SLC2A14: variants seen among roughly 807,000 people sequenced by gnomAD.
SLC2A14 encodes the protein solute carrier family 2, facilitated glucose transporter member 14.
A neutral mutation model predicts 43.0 loss-of-function variants in SLC2A14; 13 were observed. The ratio of observed to expected loss-of-function variants is 0.30; its 90% CI spans 0.20 to 0.48. SLC2A14 has a LOEUF of 0.48. SLC2A14 is among the 20% of genes least tolerant of loss of function. SLC2A14 has a pLI of 0.99. For synonymous variants in SLC2A14, 190 were observed against 233.8 expected, an observed-to-expected ratio of 0.81 and a Z score of 1.71; for missense variants, 428 against 620.4, an observed-to-expected ratio of 0.69 and a Z score of 3.29.
chr12:7,814,539 T>A lies in SLC2A14; in HGVS notation c.1276-5A>T, dbSNP rs11055945. 444,520 of 1,608,362 alleles carry A rather than the reference T, an allele frequency of 0.28. 63,729 individuals are homozygous for A. Among genetic ancestry groups the A allele is most frequent in the East Asian group, 0.47 (21,033 of 44,702 alleles). ...AACGTAGGCTCCTAAATAGTACTAG[T>A]GAAAGGACAGAAAAAAGGAAGGTTG... On this transcript the variant is annotated splice_polypyrimidine_tract_variant and splice_region_variant and intron_variant, in intron 10 of 10. Transcript: ENST00000431042.
intron 2 of SLC2A14, among the ~76,000 whole-genome samples, chr12:7,847,840 C>T (rs1412386585): frequency 6.6e-6 from 1 of 152,082 alleles, no homozygotes; most frequent in African/African-American, 2.4e-5. Flanking sequence ...AAACAACAGG[C>T]GCAGACATAG....
upstream of SLC2A14, chr12:7,873,374 G>T: frequency 1.0e-6 from 1 of 984,884 alleles, no homozygotes; most frequent in Non-Finnish European, 1.2e-6. Context: ...GCGCACGGTG[G>T]CTCACACCTG....
intron 1 of SLC2A14, among the ~76,000 whole-genome samples, chr12:7,885,565 T>TG (rs1340828816): frequency 6.6e-6 from 1 of 151,966 alleles, no homozygotes; most frequent in African/African-American, 2.4e-5. Context: ...TTTTTTTTTT[T>TG]TCATGCTGCC....
intron 1 of SLC2A14, 88 bp from the exon 2 acceptor site, chr12:7,870,025 T>C: frequency 1.6e-6 from 1 of 641,076 alleles, no homozygotes; most frequent in Non-Finnish European, 2.6e-6. Context: ...CCCTCGCCAA[T>C]GGACACTCCA....
intron 2 of SLC2A14, among the ~76,000 whole-genome samples, chr12:7,857,179 G>A (rs746081592): frequency 1.1e-4 from 16 of 152,144 alleles, no homozygotes; most frequent in Non-Finnish European, 2.2e-4. Flanking sequence ...AAACCCAGGA[G>A]GTGGAGGTTG....
intron 2 of SLC2A14, among the ~76,000 whole-genome samples, chr12:7,862,050 G>C (rs750214823): frequency 1.7e-4 from 25 of 151,268 alleles, no homozygotes; most frequent in African/African-American, 5.8e-4. Context: ...TGGATCACGA[G>C]GTGAGGAGTT....
At chr12:7,836,605 G>A (rs1431103812) in intron 2 of SLC2A14, among the ~76,000 whole-genome samples, 6 of 151,996 alleles carry the variant, frequency 3.9e-5, no homozygotes, top group South Asian at 4.1e-4. Flanking sequence ...TGAGGAGGGC[G>A]GATGGATCAC....
chr12:7,821,829 T>C lies in SLC2A14; in HGVS notation c.865-504A>G, dbSNP rs759036514. ...AGCTAATTTTTGTATTTCTTTCTTT[T>C]TTTTTTTTTTTTTGAGATGGAGTCT... On this transcript the variant is annotated intron_variant, in intron 7 of 10. Transcript: ENST00000431042. 1.7e-3 allele frequency among the ~76,000 whole-genome samples: 248 copies of C among 145,628 alleles called. 2 individuals are homozygous for C. Among genetic ancestry groups the C allele is most frequent in the Non-Finnish European group, 2.8e-3 (188 of 66,098 alleles).
intron 2 of SLC2A14, among the ~76,000 whole-genome samples, chr12:7,848,151 G>T (rs933435210): frequency 5.3e-5 from 8 of 152,082 alleles, no homozygotes; most frequent in Non-Finnish European, 2.9e-5. Context: ...CTGCCTCCCT[G>T]AGTCATTTCT....
Position 7,863,251 on chromosome 12 carries a change from A to G in SLC2A14, c.18+6612T>C. 3 of 366,276 alleles carry G rather than the reference A, an allele frequency of 8.2e-6. 1 individual carries two copies. The highest frequency in any genetic ancestry group is 5.8e-5 in the South Asian group (3 of 52,024). The allele number at this position is 366,276 out of a possible 1,614,324, so 22.7% of individuals were successfully genotyped here. On this transcript the variant is annotated intron_variant, in intron 2 of 10. Transcript: ENST00000431042. ...TGCGACACTCACGGCGGAAGTCTGC[A>G]GCTTCACTCCTGAGCCAGCAAGACC...
intron 2 of SLC2A14, among the ~76,000 whole-genome samples, chr12:7,855,525 G>A (rs1373236363): frequency 6.6e-6 from 1 of 152,068 alleles, no homozygotes; most frequent in African/African-American, 2.4e-5. Flanking sequence ...AATCTAAACA[G>A]GCCATTACTA....
chr12:7,841,606 T>C (rs1865951312), intron 2 of SLC2A14, among the ~76,000 whole-genome samples: 1 of 152,242 alleles, frequency 6.6e-6, no homozygotes, highest in Non-Finnish European at 1.5e-5. Flanking sequence ...GATATATTAT[T>C]ATTACATAAA....
intron 1 of SLC2A14, chr12:7,871,765 A>G (rs1565580595): frequency 3.3e-6 from 1 of 300,220 alleles, no homozygotes; most frequent in Non-Finnish European, 4.9e-6. Context: ...ATCCAATACC[A>G]TTTCACATGC....
upstream of SLC2A14, chr12:7,873,048 G>A: frequency 1.0e-6 from 1 of 985,550 alleles, no homozygotes; most frequent in Non-Finnish European, 1.2e-6. Flanking sequence ...CCGGCTCGCG[G>A]TCGGGGTTGT....
chr12:7,869,724 G>GTA (rs1209179037), intron 2 of SLC2A14, 139 bp downstream of exon 2: 23 of 545,434 alleles, frequency 4.2e-5, no homozygotes, highest in African/African-American at 4.2e-4. Context: ...TCTGTTGGCT[G>GTA]TAACAGTCTC....
intron 2 of SLC2A14, among the ~76,000 whole-genome samples, chr12:7,835,340 T>C (rs763250131): frequency 7.9e-5 from 12 of 152,104 alleles, no homozygotes; most frequent in South Asian, 6.2e-4. Context: ...TCAGCCGAGA[T>C]TGCGTCACTG....
intron 2 of SLC2A14, among the ~76,000 whole-genome samples, chr12:7,864,138 T>C (rs905270643): frequency 6.6e-6 from 1 of 151,986 alleles, no homozygotes; most frequent in African/African-American, 2.4e-5. Context: ...TGATTACAGC[T>C]TACTGCTGAA....
intron 2 of SLC2A14, among the ~76,000 whole-genome samples, chr12:7,836,223 C>CTT (rs71038784): frequency 0.053 from 7,879 of 148,258 alleles, 352 homozygotes; most frequent in East Asian, 0.14. Flanking sequence ...ACAGATATAA[C>CTT]TTTTTTTTTT....
chr12:7,829,957 G>A lies in SLC2A14; in HGVS notation c.322C>T (p.Leu108Phe), dbSNP rs751861316. Residue 108 changes from leucine to phenylalanine, a missense_variant, in exon 5 of 11, where the codon CTT becomes TTT. Leu to Phe is a conservative substitution (Grantham distance 22, BLOSUM62 0). Transcript: ENST00000431042. ...VNLLAATGGCLMGLCKIAESV... is the reference protein window; with the variant it reads ...VNLLAATGGCFMGLCKIAESV... ...TCAGCTATTTTACACAGTCCCATAA[G>A]GCAGCCACCAGTGGCAGCCAACAGG... The A allele has an allele frequency of 1.1e-5, 17 of 1,614,030 alleles. No individual in the cohort carries two copies. The East Asian group carries it at 3.1e-4, about 30-fold the overall frequency.
Sources: gnomAD v4.1 joint callset for allele counts (sites outside exome capture counted in the v4.1 genomes callset) on GRCh38, gnomAD v4.1.1 for gene constraint, MANE v1.5 for transcripts, NCBI Gene and HGNC (gene_info 2026-07-23, HGNC 2026-07-21) for gene names.